JARID2: variants seen among roughly 807,000 people sequenced by gnomAD.
JARID2 encodes the protein protein Jumonji.
JARID2 carries 21 observed loss-of-function variants against 125.6 expected under a neutral mutation model. That is an observed-to-expected ratio of 0.17 (90% CI 0.12 to 0.24). The LOEUF (loss-of-function observed/expected upper bound fraction) is 0.24. Among genes scored for constraint, JARID2 ranks in the 10% least tolerant of loss-of-function variants. The pLI is 1.00. For synonymous variants in JARID2, 736 were observed against 661.6 expected, an observed-to-expected ratio of 1.11 and a Z score of -1.73; for missense variants, 1,303 against 1,639.6, an observed-to-expected ratio of 0.79 and a Z score of 3.55.
intron 3 of JARID2, among the ~76,000 whole-genome samples, chr6:15,448,729 A>G (rs533498236): frequency 3.3e-5 from 5 of 152,190 alleles, no homozygotes; most frequent in East Asian, 1.9e-4. Flanking sequence ...GGGTCAGTCT[A>G]CCTGGCAGCT....
intron 2 of JARID2, among the ~76,000 whole-genome samples, chr6:15,405,440 A>C (rs1765610661): frequency 6.6e-6 from 1 of 152,250 alleles, no homozygotes. Context: ...GATGGTGACT[A>C]GCTGAGGTTG....
At chr6:15,351,897 A>C (rs769976837) in intron 1 of JARID2, among the ~76,000 whole-genome samples, 2 of 152,188 alleles carry the variant, frequency 1.3e-5, no homozygotes, top group South Asian at 2.1e-4. Flanking sequence ...ATGACATACC[A>C]GGAGATTCTT....
chr6:15,432,854 C>A (rs1177235062), intron 3 of JARID2, among the ~76,000 whole-genome samples: 2 of 152,218 alleles, frequency 1.3e-5, no homozygotes, highest in Non-Finnish European at 1.5e-5. Context: ...CTCTCTGTTT[C>A]CTTGTCTGAT....
intron 2 of JARID2, among the ~76,000 whole-genome samples, chr6:15,408,633 C>T (rs1022648414): frequency 2.6e-5 from 4 of 152,194 alleles, no homozygotes; most frequent in African/African-American, 9.7e-5. Context: ...ATTTAATCTA[C>T]TCCAAAACAT....
intron 2 of JARID2, among the ~76,000 whole-genome samples, chr6:15,386,282 C>T (rs559850330): frequency 6.7e-6 from 1 of 150,036 alleles, no homozygotes; most frequent in South Asian, 2.2e-4. Context: ...TCCTTTCCCC[C>T]TCTCTCTCCC....
intron 2 of JARID2, among the ~76,000 whole-genome samples, chr6:15,382,909 A>G (rs936241652): frequency 3.3e-5 from 5 of 152,232 alleles, no homozygotes; most frequent in African/African-American, 1.2e-4. Flanking sequence ...CCCTGATTAC[A>G]TCATCATTCC....
intron 4 of JARID2, among the ~76,000 whole-genome samples, chr6:15,463,253 T>C (rs1338960204): frequency 6.6e-6 from 1 of 152,102 alleles, no homozygotes; most frequent in East Asian, 1.9e-4. Context: ...CATACAGCTT[T>C]TGTTGGTTAC....
intron 1 of JARID2, among the ~76,000 whole-genome samples, chr6:15,327,764 C>A (rs1346959956): frequency 6.6e-6 from 1 of 152,158 alleles, no homozygotes; most frequent in Admixed American, 6.6e-5. Context: ...ATTCAAGAAG[C>A]AGATGAATGG....
intron 3 of JARID2, among the ~76,000 whole-genome samples, chr6:15,418,234 T>G (rs1275314461): frequency 8.4e-6 from 1 of 119,498 alleles, no homozygotes; most frequent in Non-Finnish European, 1.8e-5. Context: ...TTTTTTTTTT[T>G]TGGTAAGACA....
chr6:15,373,942 C>T (rs913420122), intron 1 of JARID2, among the ~76,000 whole-genome samples, 175 bp from the exon 2 acceptor site: 1 of 152,140 alleles, frequency 6.6e-6, no homozygotes, highest in Non-Finnish European at 1.5e-5. Flanking sequence ...TTCTTTGAGG[C>T]CTGTTCAGAA....
At chr6:15,464,683 T>A (rs1581600978) in intron 4 of JARID2, among the ~76,000 whole-genome samples, 1 of 152,168 alleles carries the variant, frequency 6.6e-6, no homozygotes, top group African/African-American at 2.4e-5. Flanking sequence ...TCTGCTTCAA[T>A]CCCTTTCCTA....
intron 4 of JARID2, among the ~76,000 whole-genome samples, chr6:15,461,040 A>T (rs1464147351): frequency 2.6e-5 from 4 of 152,106 alleles, no homozygotes; most frequent in African/African-American, 7.2e-5. Flanking sequence ...CTTCTTCTCC[A>T]CTTGAGATAA....
intron 2 of JARID2, among the ~76,000 whole-genome samples, chr6:15,404,352 C>T: frequency 6.6e-6 from 1 of 152,212 alleles, no homozygotes; most frequent in East Asian, 1.9e-4. Flanking sequence ...GGAATGCCTA[C>T]CCTGCTTAAA....
chr6:15,364,927 T>G (rs769117607), intron 1 of JARID2, among the ~76,000 whole-genome samples: 14 of 152,214 alleles, frequency 9.2e-5, no homozygotes, highest in Admixed American at 2.0e-4. Flanking sequence ...TAATTATAAG[T>G]ACTTACATGT....
In JARID2 at chr6:15,410,423, G is replaced by C. The variant is rs1015026388; in HGVS notation, c.323+58G>C. 17 of 1,555,780 alleles carry C rather than the reference G, an allele frequency of 1.1e-5. No individual in the cohort carries two copies. The African/African-American group carries it at 2.2e-4, about 20-fold the overall frequency. On this transcript the variant is annotated intron_variant, in intron 3 of 17. Transcript: ENST00000341776. The stretch of plus-strand genomic sequence containing the variant: ...TCAACCAGGGACTGCAAACTCAGGT[G>C]CCAGTTTTCACCACATGATAACGTG...
At chr6:15,419,343 A>G (rs1766381555) in intron 3 of JARID2, among the ~76,000 whole-genome samples, 1 of 152,232 alleles carries the variant, frequency 6.6e-6, no homozygotes. Context: ...ATTGAGTAAT[A>G]GATTATGATG....
At chr6:15,459,039 G>A (rs1768325232) in intron 4 of JARID2, among the ~76,000 whole-genome samples, 1 of 152,220 alleles carries the variant, frequency 6.6e-6, no homozygotes, top group Non-Finnish European at 1.5e-5. Context: ...CTTTCTAGGG[G>A]CATTGGCAGA....
At chr6:15,338,430 C>T (rs939057285) in intron 1 of JARID2, among the ~76,000 whole-genome samples, 1 of 152,230 alleles carries the variant, frequency 6.6e-6, no homozygotes, top group African/African-American at 2.4e-5. Flanking sequence ...AAAGGACTGG[C>T]TTGGCTTCAG....
At chr6:15,312,200 G>A (rs1275506702) in intron 1 of JARID2, among the ~76,000 whole-genome samples, 5 of 152,018 alleles carry the variant, frequency 3.3e-5, no homozygotes, top group Non-Finnish European at 5.9e-5. Flanking sequence ...GATTACAGGC[G>A]TTTGCCACCA....
Sources: allele counts gnomAD v4.1 joint callset (sites outside exome capture counted in the v4.1 genomes callset), GRCh38; gene constraint gnomAD v4.1.1; transcripts MANE v1.5; gene names NCBI Gene and HGNC (gene_info 2026-07-23, HGNC 2026-07-21).